Variants in SAMD4A observed in about 807,000 individuals in gnomAD.
SAMD4A encodes the protein sterile alpha motif domain containing 4A.
Under a neutral mutation model 81.3 loss-of-function variants are expected in SAMD4A, and 33 were observed. That is an observed-to-expected ratio of 0.41 (90% CI 0.31 to 0.54). The LOEUF (loss-of-function observed/expected upper bound fraction) is 0.54, where lower values mean the gene tolerates loss of function less well. SAMD4A is among the 20% of genes least tolerant of loss of function. SAMD4A has a pLI of 0.37. For missense variants in SAMD4A, 854 were observed against 951.1 expected (o/e 0.90, Z 1.34); for synonymous variants, 389 against 382.1 (o/e 1.02, Z -0.21).
chr14:54,679,036 C>T (rs2036068009), intron 2 of SAMD4A, among the ~76,000 whole-genome samples: 1 of 152,194 alleles, frequency 6.6e-6, no homozygotes, highest in African/African-American at 2.4e-5. Context: ...ACAAGGAAGA[C>T]AGACAGTTTG....
chr14:54,748,773 C>G, intron 4 of SAMD4A, 42 bp from the exon 5 acceptor site: 1 of 1,316,728 alleles, frequency 7.6e-7, no homozygotes, highest in Non-Finnish European at 1.1e-6. Context: ...TTCTCATTCC[C>G]TCTCATTTCT....
intron 6 of SAMD4A, among the ~76,000 whole-genome samples, chr14:54,755,225 A>T (rs764375104): frequency 3.3e-5 from 5 of 152,184 alleles, no homozygotes; most frequent in South Asian, 2.1e-4. Flanking sequence ...TTTGAGTGTC[A>T]TAGTATTTGG....
chr14:54,609,812 G>T (rs1302650035), intron 2 of SAMD4A, among the ~76,000 whole-genome samples: 2 of 152,152 alleles, frequency 1.3e-5, no homozygotes, highest in Admixed American at 6.5e-5. Flanking sequence ...TAGCAATCTT[G>T]TTACAGTATT....
At chr14:54,693,106 A>G (rs2036493059) in intron 2 of SAMD4A, 1 of 151,882 alleles carries the variant, frequency 6.6e-6, no homozygotes, top group South Asian at 2.1e-4. Flanking sequence ...GAAACTTTCC[A>G]TCTTAAACAG....
chr14:54,733,212 T>A (rs2037602527), intron 3 of SAMD4A, among the ~76,000 whole-genome samples: 1 of 152,238 alleles, frequency 6.6e-6, no homozygotes, highest in South Asian at 2.1e-4. Flanking sequence ...TACTTTTAAC[T>A]GCTGTTTCCA....
chr14:54,769,088 C>T (rs970989897), intron 8 of SAMD4A, among the ~76,000 whole-genome samples: 1 of 152,212 alleles, frequency 6.6e-6, no homozygotes, highest in Non-Finnish European at 1.5e-5. Context: ...CATGGATTTC[C>T]CACAGCACGT....
intron 2 of SAMD4A, among the ~76,000 whole-genome samples, chr14:54,590,324 A>G (rs1230454085): frequency 6.6e-6 from 1 of 152,130 alleles, no homozygotes; most frequent in African/African-American, 2.4e-5. Context: ...CTTCATCTCT[A>G]CGGAAAACAA....
chr14:54,774,323 T>C (rs1477437352), intron 9 of SAMD4A, among the ~76,000 whole-genome samples: 2 of 152,264 alleles, frequency 1.3e-5, no homozygotes, highest in African/African-American at 4.8e-5. Context: ...GGAAGTTCCA[T>C]GTGATACCGC....
chr14:54,626,015 G>GGTGTGTGTGT (rs71446501), intron 2 of SAMD4A, among the ~76,000 whole-genome samples: 6 of 131,774 alleles, frequency 4.6e-5, no homozygotes, highest in South Asian at 2.7e-4. Context: ...TCTACTGCTA[G>GGTGTGTGTGT]GTGTGTGTGT....
chr14:54,740,658 G>C, intron 4 of SAMD4A, among the ~76,000 whole-genome samples: 1 of 152,080 alleles, frequency 6.6e-6, no homozygotes, highest in East Asian at 1.9e-4. Flanking sequence ...CAAGGGTATG[G>C]AATAAATCTC....
rs141688126 is a variant in SAMD4A, at chr14:54,596,739, G to A, written c.196+28627G>A. On this transcript the variant is annotated intron_variant, in intron 2 of 12. Transcript: ENST00000554335. ...CCTTTCTCTCCTCAGGGTCCTGCTG[G>A]CAATCCCATTGGAGGACCCAAATGA... Among the ~76,000 whole-genome samples, 4 of 152,210 alleles carry A rather than the reference G, an allele frequency of 2.6e-5. No homozygotes were observed. In the East Asian group the frequency reaches 5.8e-4, roughly 22 times the overall value.
intron 2 of SAMD4A, among the ~76,000 whole-genome samples, chr14:54,669,529 G>A (rs965375657): frequency 2.9e-5 from 4 of 136,638 alleles, no homozygotes; most frequent in African/African-American, 1.1e-4. Flanking sequence ...TGCGATCATC[G>A]CTCACTGCAG....
At chr14:54,706,325 C>T (rs182376394) in intron 3 of SAMD4A, among the ~76,000 whole-genome samples, 6 of 139,692 alleles carry the variant, frequency 4.3e-5, no homozygotes, top group Non-Finnish European at 7.7e-5. Flanking sequence ...AAAAAAAGAC[C>T]GGGCATTGGT....
chr14:54,574,077 AGAAAGTGGG>A (rs1486874469), intron 2 of SAMD4A, among the ~76,000 whole-genome samples: 1 of 152,226 alleles, frequency 6.6e-6, no homozygotes, highest in Non-Finnish European at 1.5e-5. Flanking sequence ...GTATTTGGTA[AGAAAGTGGG>A]ACTGAGTTCC....
rs181701766 is a variant in SAMD4A at position 54,735,268 on chromosome 14, C to T, written c.716-1756C>T. On this transcript the variant is annotated intron_variant, in intron 3 of 12. Transcript: ENST00000554335. ...ACTTTTCCTCTTGCTAATTCTGGTC[C>T]AACCAGGTAGCAATGCATTTTCCAG... The T allele has an allele frequency of 4.6e-5, 7 of 150,590 alleles. No homozygotes were observed. The East Asian group carries it at 1.4e-3, about 30-fold the overall frequency. The allele number at this position is 150,590 out of a possible 1,614,324, so 9.3% of individuals were successfully genotyped here.
At chr14:54,676,413 C>T (rs2035995362) in intron 2 of SAMD4A, among the ~76,000 whole-genome samples, 1 of 152,174 alleles carries the variant, frequency 6.6e-6, no homozygotes. Flanking sequence ...TGCTCTATCA[C>T]CCAGGCTGGA....
chr14:54,751,579 GA>G, intron 6 of SAMD4A, 42 bp downstream of exon 6: 2 of 1,287,448 alleles, frequency 1.6e-6, no homozygotes, highest in Non-Finnish European at 2.3e-6. Context: ...TTCATTATGG[GA>G]AAATGGACCA....
At chr14:54,584,749 A>G (rs2033568701) in intron 2 of SAMD4A, among the ~76,000 whole-genome samples, 2 of 152,228 alleles carry the variant, frequency 1.3e-5, no homozygotes, top group South Asian at 4.1e-4. Context: ...ATGCTAGATT[A>G]TAGCATAAAG....
chr14:54,751,586 G>T (rs767173616), intron 6 of SAMD4A, 49 bp downstream of exon 6: 1 of 1,243,886 alleles, frequency 8.0e-7, no homozygotes, highest in East Asian at 2.3e-5. Flanking sequence ...TGGGAAAATG[G>T]ACCAAGGAAA....
Sources: gnomAD v4.1 joint callset for allele counts (sites outside exome capture counted in the v4.1 genomes callset) on GRCh38, gnomAD v4.1.1 for gene constraint, MANE v1.5 for transcripts, NCBI Gene and HGNC (gene_info 2026-07-23, HGNC 2026-07-21) for gene names.